CECR2: variants seen among roughly 807,000 people sequenced by gnomAD.
CECR2 encodes the protein chromatin remodeling regulator CECR2.
In CECR2, 30 loss-of-function variants were observed where a neutral mutation model predicts 154.5. That is an observed-to-expected ratio of 0.19 (90% CI 0.15 to 0.26). The LOEUF is 0.26. CECR2 is among the 10% of genes least tolerant of loss of function. CECR2 has a pLI of 1.00. For missense variants in CECR2, 1,743 were observed against 1,829.3 expected (o/e 0.95, Z 0.86); for synonymous variants, 725 against 683.7 (o/e 1.06, Z -0.94).
chr22:17,470,382 G>C (rs923361054), intron 1 of CECR2, among the ~76,000 whole-genome samples: 2 of 132,420 alleles, frequency 1.5e-5, no homozygotes, highest in African/African-American at 3.0e-5. Context: ...AGGTTGCAGA[G>C]ACTCCGTCTC....
chr22:17,400,216 A>G (rs1408419019), intron 1 of CECR2, among the ~76,000 whole-genome samples: 1 of 152,214 alleles, frequency 6.6e-6, no homozygotes, highest in Non-Finnish European at 1.5e-5. Flanking sequence ...TATTTACATT[A>G]TATTTCCTGT....
rs1471113744 is a variant in CECR2 at position 17,400,825 on chromosome 22, A to C, written c.126+30916A>C. On this transcript the variant is annotated intron_variant, in intron 1 of 18. Transcript: ENST00000262608. Reference sequence around the variant, plus strand: ...AGTGCAGTGGCATAATCTCTTGCTCACTGCAGCCTCAACCTCATGGGCTCA... The same window carrying C: ...AGTGCAGTGGCATAATCTCTTGCTCCCTGCAGCCTCAACCTCATGGGCTCA... 1.3e-5 allele frequency among the ~76,000 whole-genome samples: 2 copies of C among 152,058 alleles called. 1 individual carries two copies. The highest frequency in any genetic ancestry group is 4.8e-5 in the African/African-American group (2 of 41,398).
intron 1 of CECR2, among the ~76,000 whole-genome samples, chr22:17,390,927 T>G (rs1405158705): frequency 6.6e-6 from 1 of 152,226 alleles, no homozygotes; most frequent in African/African-American, 2.4e-5. Flanking sequence ...TTTTTAAAGC[T>G]TTTCCTATTT....
chr22:17,473,828 A>G (rs1489266016), intron 1 of CECR2, among the ~76,000 whole-genome samples: 2 of 152,254 alleles, frequency 1.3e-5, no homozygotes, highest in Admixed American at 1.3e-4. Flanking sequence ...TGCCAGCCGC[A>G]TATCTGAAAC....
chr22:17,520,060 A>G (rs2056130274), intron 8 of CECR2, among the ~76,000 whole-genome samples: 1 of 152,164 alleles, frequency 6.6e-6, no homozygotes, highest in Admixed American at 6.5e-5. Context: ...AGGTGCTGAG[A>G]TTACAGGCGT....
chr22:17,509,334 C>G (rs562257913), intron 7 of CECR2, among the ~76,000 whole-genome samples: 1 of 152,022 alleles, frequency 6.6e-6, no homozygotes, highest in Non-Finnish European at 1.5e-5. Flanking sequence ...GAGTCAGGAG[C>G]TTTTCTTTCA....
intron 1 of CECR2, among the ~76,000 whole-genome samples, chr22:17,477,353 A>T (rs1183947236): frequency 1.3e-5 from 2 of 152,178 alleles, no homozygotes; most frequent in African/African-American, 4.8e-5. Flanking sequence ...TGTGCCGGTA[A>T]GAGGAATGGG....
Position 17,549,234 on chromosome 22 carries a change from A to C in CECR2, c.3947A>C (p.Glu1316Ala). The change falls in exon 17 of 19, where the codon GAG (glutamate) becomes GCG (alanine). Residue 1316 changes from glutamate (E) to alanine (A), a missense_variant. This residue lies in a region of CECR2 where 1,250 missense variants were observed against 1,192.1 expected (regional missense o/e 1.05). Coordinates refer to ENST00000262608, the MANE Select transcript of CECR2 (RefSeq NM_001290047.2). ...CGGCAGAGCTCGTTGTCAGCCAGCG[A>C]GTATCTCTATGGAACTCCTCCGCCT... ...TKRQSSLSAS[E>A]YLYGTPPPLS... 3.7e-6 allele frequency: 6 copies of C among 1,614,006 alleles called. No homozygotes were observed. Among genetic ancestry groups the C allele is most frequent in the Non-Finnish European group, 5.1e-6 (6 of 1,179,876 alleles).
chr22:17,475,492 C>T (rs1485231615), intron 1 of CECR2, among the ~76,000 whole-genome samples: 1 of 152,162 alleles, frequency 6.6e-6, no homozygotes, highest in Non-Finnish European at 1.5e-5. Context: ...CAGGGTCTTG[C>T]TGTGTGGCCC....
At chr22:17,452,086 T>G (rs1303308870) in intron 1 of CECR2, among the ~76,000 whole-genome samples, 1 of 152,182 alleles carries the variant, frequency 6.6e-6, no homozygotes, top group Non-Finnish European at 1.5e-5. Context: ...TATTTATTTA[T>G]TTTTGAGACA....
chr22:17,394,294 CT>C (rs1178774670), intron 1 of CECR2, among the ~76,000 whole-genome samples: 1 of 150,652 alleles, frequency 6.6e-6, no homozygotes, highest in African/African-American at 2.5e-5. Flanking sequence ...GCCTTAAACC[CT>C]GGGCTCAAAC....
chr22:17,387,427 T>C (rs535403667), intron 1 of CECR2, among the ~76,000 whole-genome samples: 1 of 152,268 alleles, frequency 6.6e-6, no homozygotes, highest in African/African-American at 2.4e-5. Flanking sequence ...TGAAAGGTCA[T>C]GGTGAGCAGC....
At chr22:17,406,396 G>A (rs558609322) in intron 1 of CECR2, among the ~76,000 whole-genome samples, 2 of 152,116 alleles carry the variant, frequency 1.3e-5, no homozygotes, top group Non-Finnish European at 2.9e-5. Flanking sequence ...GGTGGCACAC[G>A]CCTGTAATCC....
chr22:17,537,146 G>C lies in CECR2; in HGVS notation c.1152G>C (p.Leu384=). 6.2e-7 allele frequency: 1 copy of C among 1,613,954 alleles called. No homozygotes were observed. Among genetic ancestry groups the C allele is most frequent in the Non-Finnish European group, 8.5e-7 (1 of 1,179,874 alleles). ...RRKLREERAW[L]LAQGKELPPE... ...AGCTCAGGGAAGAAAGGGCATGGCT[G>C]CTGGCTCAAGGAAAGGAGCTCCCTC... The change falls in exon 10 of 19, where the codon CTG becomes CTC. Residue 384 remains leucine, a synonymous_variant. Coordinates refer to ENST00000262608, the MANE Select transcript of CECR2 (RefSeq NM_001290047.2).
intron 1 of CECR2, among the ~76,000 whole-genome samples, chr22:17,421,602 G>A (rs1283395949): frequency 4.5e-5 from 5 of 110,478 alleles, no homozygotes; most frequent in South Asian, 6.6e-4. Flanking sequence ...GCGACAGAGC[G>A]AGACTCCGTC....
rs1601207706 is a variant in CECR2, at chr22:17,548,741, G to C, written c.3454G>C (p.Ala1152Pro). 3 of 1,613,740 alleles carry C rather than the reference G, an allele frequency of 1.9e-6. No individual in the cohort carries two copies. In the African/African-American group the frequency reaches 4.0e-5, roughly 22 times the overall value. ...CCCTGTGATGGGAGGGAAGTCCCCA[G>C]CATCCCATCCCCAGCATTTTCCCCC... is the stretch of plus-strand genomic sequence containing the variant. The part of the protein sequence containing the change: ...VGPVMGGKSP[A>P]SHPQHFPPRG... The change falls in exon 17 of 19, where the codon GCA (alanine) becomes CCA (proline). Residue 1152 changes from alanine (A) to proline (P), a missense_variant. By Grantham distance (27) the Ala-to-Pro change is conservative. Coordinates refer to ENST00000262608, the MANE Select transcript of CECR2 (RefSeq NM_001290047.2).
intron 1 of CECR2, among the ~76,000 whole-genome samples, chr22:17,451,046 G>T (rs372225663): frequency 6.6e-6 from 1 of 152,200 alleles, no homozygotes; most frequent in East Asian, 1.9e-4. Context: ...TTCCCACTCC[G>T]TGTCAAAGAG....
chr22:17,497,485 G>A lies in CECR2; in HGVS notation c.304G>A (p.Glu102Lys). 2 of 1,613,948 alleles carry A rather than the reference G, an allele frequency of 1.2e-6. No individual in the cohort carries two copies. The highest frequency in any genetic ancestry group is 1.7e-6 in the Non-Finnish European group (2 of 1,179,882). Reference sequence around the variant, plus strand: ...AGAAGGGAAGCCCAACCCTCTGAGGGAAGCCAGTTTCCAGGACCTGCCTCT... The same window carrying A: ...AGAAGGGAAGCCCAACCCTCTGAGGAAAGCCAGTTTCCAGGACCTGCCTCT... ...LEEGKPNPLR[E>K]ASFQDLPLRT... is the part of the protein sequence containing the mutation. The change falls in exon 3 of 19, where the codon GAA (glutamate) becomes AAA (lysine). Residue 102 changes from glutamate to lysine, a missense_variant. Physicochemically the swap from Glu to Lys is moderately conservative, Grantham distance 56. Coordinates refer to ENST00000262608, the MANE Select transcript of CECR2 (RefSeq NM_001290047.2).
intron 1 of CECR2, among the ~76,000 whole-genome samples, chr22:17,459,774 A>C (rs1018948685): frequency 6.6e-6 from 1 of 152,220 alleles, no homozygotes; most frequent in Non-Finnish European, 1.5e-5. Context: ...CTCTTTGAAA[A>C]TCTTCAACAC....
Sources: allele counts gnomAD v4.1 joint callset (sites outside exome capture counted in the v4.1 genomes callset), GRCh38; gene constraint gnomAD v4.1.1; regional missense constraint gnomAD v4.1.1; transcripts MANE v1.5; gene names NCBI Gene and HGNC (gene_info 2026-07-23, HGNC 2026-07-21).